PRDM16: variants seen among roughly 807,000 people sequenced by gnomAD.
PRDM16 encodes PR/SET domain 16.
PRDM16 carries 23 observed loss-of-function variants against 110.6 expected under a neutral mutation model. The observed-to-expected ratio is 0.21, with a 90% CI of 0.15 to 0.29. PRDM16 has a LOEUF of 0.29. PRDM16 is among the 10% of genes least tolerant of loss of function. The probability of loss-of-function intolerance (pLI) is 1.00; values close to 1 mark genes in which losing one functional copy is unlikely to be tolerated. For synonymous variants in PRDM16, 799 were observed against 781.8 expected, an observed-to-expected ratio of 1.02 and a Z score of -0.37; for missense variants, 1,615 against 1,794.3, an observed-to-expected ratio of 0.90 and a Z score of 1.81.
At chr1:3,368,521 T>C (rs968387156) in intron 3 of PRDM16, among the ~76,000 whole-genome samples, 1 of 152,116 alleles carries the variant, frequency 6.6e-6, no homozygotes, top group Non-Finnish European at 1.5e-5. Context: ...CCAAAGACAG[T>C]GTCTCCCCCA....
intron 3 of PRDM16, among the ~76,000 whole-genome samples, chr1:3,314,677 G>A (rs912173367): frequency 1.3e-5 from 2 of 151,492 alleles, no homozygotes; most frequent in Non-Finnish European, 2.9e-5. Flanking sequence ...CTTCGCCCCC[G>A]TAGCCAGTTT....
rs1172383270 is a variant in PRDM16, at chr1:3,223,103, C to CTTTTTTT, written c.388-20965_388-20959dup. On this transcript the variant is annotated intron_variant, in intron 2 of 16. Transcript: ENST00000270722. ...GCCTCCGCCGTGGCCAAAATCAAGG[C>CTTTTTTT]TTTTTTTTTTTTTTTTTTTTTTTTT... Among the ~76,000 whole-genome samples the CTTTTTTT allele has an allele frequency of 1.2e-3, 89 of 73,998 alleles. 11 individuals carry two copies. The highest frequency in any genetic ancestry group is 5.6e-3 in the African/African-American group (78 of 14,048). The allele number at this position is 73,998 out of a possible 152,430, so 48.5% of individuals were successfully genotyped here.
At chr1:3,114,449 GCA>G (rs1216342717) in intron 1 of PRDM16, among the ~76,000 whole-genome samples, 86 of 126,118 alleles carry the variant, frequency 6.8e-4, no homozygotes, top group Middle Eastern at 5.7e-3. Flanking sequence ...AGACGCACAC[GCA>G]CACACACGCA....
intron 1 of PRDM16, among the ~76,000 whole-genome samples, chr1:3,115,582 C>T (rs72846091): frequency 0.039 from 5,961 of 152,316 alleles, 396 homozygotes; most frequent in African/African-American, 0.13. Context: ...ACTGCCCCGG[C>T]GCCGGCCTCC....
At chr1:3,365,810 T>C (rs1244231709) in intron 3 of PRDM16, among the ~76,000 whole-genome samples, 3 of 151,772 alleles carry the variant, frequency 2.0e-5, no homozygotes, top group African/African-American at 7.3e-5. Context: ...TTGGAGGAGG[T>C]TGGGGTGGAA....
chr1:3,411,076 A>G (rs1643677267), intron 8 of PRDM16, among the ~76,000 whole-genome samples: 1 of 152,090 alleles, frequency 6.6e-6, no homozygotes, highest in Admixed American at 6.5e-5. Context: ...CCACATGCTC[A>G]TGTGTGCACA....
chr1:3,217,164 C>T (rs1639047328), intron 2 of PRDM16, among the ~76,000 whole-genome samples: 1 of 152,264 alleles, frequency 6.6e-6, no homozygotes, highest in East Asian at 1.9e-4. Flanking sequence ...ACACCTTTCA[C>T]CGTGAAACGG....
chr1:3,385,360 A>C, intron 4 of PRDM16, 74 bp downstream of exon 4: 1 of 1,523,610 alleles, frequency 6.6e-7, no homozygotes, highest in South Asian at 1.1e-5. Context: ...AGATTGGTGG[A>C]GGTGCCGAGG....
chr1:3,420,581 G>A (rs754076287), intron 12 of PRDM16, among the ~76,000 whole-genome samples: 1 of 152,232 alleles, frequency 6.6e-6, no homozygotes, highest in African/African-American at 2.4e-5. Context: ...TGCCTCAGAT[G>A]ACCTGAAATC....
At chr1:3,284,216 A>G (rs538028714) in intron 3 of PRDM16, among the ~76,000 whole-genome samples, 9 of 152,232 alleles carry the variant, frequency 5.9e-5, no homozygotes, top group East Asian at 1.9e-4. Flanking sequence ...GCAAACCGAC[A>G]TTAAGCGTCC....
At chr1:3,093,099 C>T (rs1642314335) in intron 1 of PRDM16, among the ~76,000 whole-genome samples, 1 of 152,196 alleles carries the variant, frequency 6.6e-6, no homozygotes, top group Non-Finnish European at 1.5e-5. Context: ...ACCGCTTCTC[C>T]TGACCTGGCT....
chr1:3,166,383 C>T (rs1378341468), intron 1 of PRDM16, among the ~76,000 whole-genome samples: 3 of 152,234 alleles, frequency 2.0e-5, no homozygotes, highest in Non-Finnish European at 2.9e-5. Flanking sequence ...GGAGGTTTTC[C>T]ACAGTGAGCG....
At chr1:3,375,440 C>T (rs1642974666) in intron 3 of PRDM16, among the ~76,000 whole-genome samples, 1 of 152,256 alleles carries the variant, frequency 6.6e-6, no homozygotes, top group Non-Finnish European at 1.5e-5. Context: ...TCCTTTATTT[C>T]TGACGGTCAG....
At chr1:3,418,353 C>T (rs1638328879) in intron 11 of PRDM16, among the ~76,000 whole-genome samples, 1 of 152,140 alleles carries the variant, frequency 6.6e-6, no homozygotes, top group African/African-American at 2.4e-5. Flanking sequence ...AGGATGACAC[C>T]CTCCCGGCCA....
chr1:3,362,251 G>A (rs1261016963), intron 3 of PRDM16, among the ~76,000 whole-genome samples: 1 of 152,382 alleles, frequency 6.6e-6, no homozygotes. Context: ...ATGAGTGAGT[G>A]CAAATGTCAA....
At chr1:3,282,913 G>T (rs929673129) in intron 3 of PRDM16, among the ~76,000 whole-genome samples, 3 of 152,232 alleles carry the variant, frequency 2.0e-5, no homozygotes, top group Admixed American at 1.3e-4. Flanking sequence ...GCAGTGAGAG[G>T]CGTGGTAGTA....
chr1:3,333,739 T>A (rs1423306375), intron 3 of PRDM16, among the ~76,000 whole-genome samples: 1 of 152,122 alleles, frequency 6.6e-6, no homozygotes, highest in African/African-American at 2.4e-5. Context: ...GGCGAGTAGA[T>A]CATGGATCAT....
At chr1:3,354,902 C>G (rs1237732410) in intron 3 of PRDM16, among the ~76,000 whole-genome samples, 1 of 152,146 alleles carries the variant, frequency 6.6e-6, no homozygotes, top group African/African-American at 2.4e-5. Context: ...CGGGCCGCAC[C>G]ATGAAGGGCT....
rs868738233 is a variant in PRDM16, at chr1:3,434,529, G to A, written c.*718G>A. 22 of 231,410 alleles carry A rather than the reference G, an allele frequency of 9.5e-5. No homozygotes were observed. The highest frequency in any genetic ancestry group is 4.4e-4 in the African/African-American group (20 of 45,200). 14.3% of individuals were successfully genotyped at this position (231,410 alleles called of 1,614,324 possible). The stretch of plus-strand genomic sequence containing the variant: ...GGTGCCCCGAGGCAGAACAAGAGGC[G>A]CGGGGCCACACCCGTGAACCATGCA... On this transcript the variant is annotated 3_prime_UTR_variant, in exon 17 of 17. Coordinates refer to ENST00000270722, the MANE Select transcript of PRDM16 (RefSeq NM_022114.4).
Sources: gnomAD v4.1 joint callset for allele counts (sites outside exome capture counted in the v4.1 genomes callset) on GRCh38, gnomAD v4.1.1 for gene constraint, MANE v1.5 for transcripts, NCBI Gene and HGNC (gene_info 2026-07-23, HGNC 2026-07-21) for gene names.